The following LRCH1 variants were observed in gnomAD, a reference collection of about 807,000 sequenced individuals.
LRCH1 encodes the protein leucine rich repeats and calponin homology domain containing 1.
LRCH1 carries 23 observed loss-of-function variants against 94.9 expected under a neutral mutation model. The observed-to-expected ratio is 0.24, with a 90% confidence interval of 0.17 to 0.34. LRCH1 has a LOEUF of 0.34. LRCH1 is among the 10% of genes least tolerant of loss of function. LRCH1 has a pLI of 1.00. For missense variants in LRCH1, 790 were observed against 945.9 expected (o/e 0.84, Z 2.16); for synonymous variants, 364 against 354.9 (o/e 1.03, Z -0.29).
intron 16 of LRCH1, among the ~76,000 whole-genome samples, chr13:46,722,551 G>C (rs1872630676): frequency 6.6e-6 from 1 of 152,230 alleles, no homozygotes; most frequent in South Asian, 2.1e-4. Flanking sequence ...ATGCCCCGCT[G>C]TTAGTTACTA....
chr13:46,611,867 T>C (rs1457790667), intron 1 of LRCH1, among the ~76,000 whole-genome samples: 2 of 152,254 alleles, frequency 1.3e-5, no homozygotes, highest in African/African-American at 4.8e-5. Context: ...GTTTCTGTTA[T>C]TGGGCATTGC....
intron 1 of LRCH1, among the ~76,000 whole-genome samples, chr13:46,573,515 G>A (rs2050263666): frequency 6.6e-6 from 1 of 152,142 alleles, no homozygotes. Context: ...AAGAAAATGT[G>A]GTACATATGC....
intron 3 of LRCH1, among the ~76,000 whole-genome samples, chr13:46,672,656 G>A (rs980038362): frequency 2.6e-5 from 4 of 152,206 alleles, no homozygotes; most frequent in Non-Finnish European, 5.9e-5. Context: ...GTGGCTCTAA[G>A]GGACACCCCA....
intron 16 of LRCH1, among the ~76,000 whole-genome samples, 160 bp downstream of exon 16, chr13:46,715,824 G>A (rs1415255294): frequency 2.0e-5 from 3 of 152,224 alleles, no homozygotes; most frequent in South Asian, 2.1e-4. Context: ...AAAAGTGCAC[G>A]TGGATTGTTC....
intron 1 of LRCH1, among the ~76,000 whole-genome samples, chr13:46,621,183 T>C (rs2050876187): frequency 2.0e-5 from 3 of 152,240 alleles, no homozygotes; most frequent in Non-Finnish European, 2.9e-5. Context: ...GAATCAGATA[T>C]TTCTCTGCCT....
At chr13:46,576,148 A>C (rs963485579) in intron 1 of LRCH1, among the ~76,000 whole-genome samples, 2 of 152,202 alleles carry the variant, frequency 1.3e-5, no homozygotes, top group Non-Finnish European at 2.9e-5. Context: ...AGCCAGCTGG[A>C]TTAGACATTT....
intron 16 of LRCH1, among the ~76,000 whole-genome samples, chr13:46,720,800 A>G (rs1223963987): frequency 6.6e-6 from 1 of 152,228 alleles, no homozygotes; most frequent in African/African-American, 2.4e-5. Flanking sequence ...CAAACCCAGC[A>G]AAATAAGCAA....
chr13:46,692,520 C>T lies in LRCH1; in HGVS notation c.1015-16C>T, dbSNP rs1199057726. On this transcript the variant is annotated splice_polypyrimidine_tract_variant and intron_variant, in intron 7 of 19. Transcript: ENST00000389797. ...AACACTTCTCTTGAGTTAAACAGTG[C>T]ACTGTATCTTTTTAGCCTTCTGACG... The T allele has an allele frequency of 6.4e-7, 1 of 1,564,212 alleles. No individual in the cohort carries two copies. Among genetic ancestry groups the T allele is most frequent in the Non-Finnish European group, 8.8e-7 (1 of 1,134,738 alleles).
intron 1 of LRCH1, among the ~76,000 whole-genome samples, chr13:46,557,628 A>T (rs1444007053): frequency 2.6e-5 from 4 of 151,608 alleles, no homozygotes; most frequent in Non-Finnish European, 5.9e-5. Flanking sequence ...GGATCACCTG[A>T]GGTCAGGAGT....
chr13:46,720,875 C>T (rs1593375666), intron 16 of LRCH1, among the ~76,000 whole-genome samples: 2 of 152,076 alleles, frequency 1.3e-5, no homozygotes, highest in East Asian at 3.8e-4. Flanking sequence ...TCTTATATGT[C>T]ATAGTAATGA....
intron 2 of LRCH1, among the ~76,000 whole-genome samples, chr13:46,655,513 T>C (rs966736442): frequency 6.6e-6 from 1 of 152,254 alleles, no homozygotes; most frequent in South Asian, 2.1e-4. Context: ...TTTCCTGTTA[T>C]AAAGTGTCTT....
chr13:46,710,890 T>C (rs1872027410), intron 13 of LRCH1, among the ~76,000 whole-genome samples: 1 of 152,126 alleles, frequency 6.6e-6, no homozygotes, highest in South Asian at 2.1e-4. Context: ...GTGTGTCCCT[T>C]GTGGGCTCCT....
chr13:46,553,692 C>T lies in LRCH1; in HGVS notation c.296C>T (p.Thr99Met), dbSNP rs751211256. 1.2e-6 allele frequency: 2 copies of T among 1,609,744 alleles called. No individual in the cohort carries two copies. Among genetic ancestry groups the T allele is most frequent in the Non-Finnish European group, 1.7e-6 (2 of 1,179,236 alleles). ...GCCCCCGGGCACGACCTCTCGGACA[C>T]GGTGCAGGCAGGTGAGTGAGGGCCG... The part of the protein sequence containing the change: ...TAAPGHDLSD[T>M]VQADLSKNRL... The change falls in exon 1 of 20, where the codon ACG becomes ATG. Residue 99 changes from threonine to methionine, a missense_variant. Around this residue, in one of 3 missense-constraint regions of LRCH1, gnomAD observed 136 missense variants for 143.5 expected, o/e 0.95. Coordinates refer to ENST00000389797, the MANE Select transcript of LRCH1 (RefSeq NM_001164211.2).
chr13:46,602,327 C>T (rs2050636916), intron 1 of LRCH1, among the ~76,000 whole-genome samples: 1 of 152,160 alleles, frequency 6.6e-6, no homozygotes. Context: ...ATAGTTTATG[C>T]CTCTGCTTCC....
chr13:46,721,731 C>G (rs1872588867), intron 16 of LRCH1, among the ~76,000 whole-genome samples: 1 of 152,212 alleles, frequency 6.6e-6, no homozygotes, highest in African/African-American at 2.4e-5. Flanking sequence ...GCAGAGGCCC[C>G]AGGCCACAAG....
intron 13 of LRCH1, among the ~76,000 whole-genome samples, chr13:46,706,762 T>TAAA (rs35190149): frequency 6.6e-6 from 1 of 151,724 alleles, no homozygotes; most frequent in Non-Finnish European, 1.5e-5. Flanking sequence ...ATAAAAGTTG[T>TAAA]AAAAATTTGC....
In LRCH1 at chr13:46,644,244, T is replaced by A. The variant is rs139545777; in HGVS notation, c.308-5957T>A. Among the ~76,000 whole-genome samples, 289 of 152,332 alleles carry A rather than the reference T, an allele frequency of 1.9e-3. 1 individual carries two copies. The highest frequency in any genetic ancestry group is 6.5e-3 in the African/African-American group (270 of 41,570). ...CCAGTGTCAGGCATGCTTGAATTGG[T>A]CAATGCGTGGTAAACTTTGCCAGCT... On this transcript the variant is annotated intron_variant, in intron 1 of 19. Coordinates refer to ENST00000389797, the MANE Select transcript of LRCH1 (RefSeq NM_001164211.2).
intron 1 of LRCH1, among the ~76,000 whole-genome samples, chr13:46,632,188 G>A (rs902180473): frequency 6.6e-6 from 1 of 151,040 alleles, no homozygotes; most frequent in Non-Finnish European, 1.5e-5. Context: ...GGGTGACCAA[G>A]CAAGACTCTG....
Position 46,692,593 on chromosome 13 carries a change from G to C in LRCH1, c.1072G>C (p.Glu358Gln), listed in dbSNP as rs897275239. 2.5e-6 allele frequency: 4 copies of C among 1,613,948 alleles called. No homozygotes were observed. Among genetic ancestry groups the C allele is most frequent in the African/African-American group, 1.3e-5 (1 of 74,940 alleles). The change falls in exon 8 of 20, where the codon GAA (glutamate) becomes CAA (glutamine). Residue 358 changes from glutamate to glutamine, a missense_variant. Physicochemically the swap from Glu to Gln is conservative, Grantham distance 29. This residue lies in a region of LRCH1 where 460 missense variants were observed against 508.9 expected (regional missense o/e 0.90). Coordinates refer to ENST00000389797, the MANE Select transcript of LRCH1 (RefSeq NM_001164211.2). The part of the protein sequence containing the change: ...NVPMSNIMEE[E>Q]QIIKEDSCHR... ...GCCAATGTCAAACATCATGGAAGAAGAACAGATCATCAAGGAGGACTCGTG... is the reference window on the plus strand; with the variant it reads ...GCCAATGTCAAACATCATGGAAGAACAACAGATCATCAAGGAGGACTCGTG...
Sources: allele counts gnomAD v4.1 joint callset (sites outside exome capture counted in the v4.1 genomes callset), GRCh38; gene constraint gnomAD v4.1.1; regional missense constraint gnomAD v4.1.1; transcripts MANE v1.5; gene names NCBI Gene and HGNC (gene_info 2026-07-23, HGNC 2026-07-21).